IFT27: variants seen among roughly 807,000 people sequenced by gnomAD.
The protein encoded by IFT27 is intraflagellar transport protein 27 homolog.
Under a neutral mutation model 23.9 loss-of-function variants are expected in IFT27, and 19 were observed. That is an observed-to-expected ratio of 0.79 (90% confidence interval 0.55 to 1.16). The LOEUF is 1.16. Ranked by LOEUF, IFT27 falls within the 50% of genes most tolerant of loss-of-function variation. The pLI, the probability that IFT27 is intolerant of heterozygous loss-of-function variation, is 0.00. For synonymous variants in IFT27, 91 were observed against 89.1 expected, an observed-to-expected ratio of 1.02 and a Z score of -0.12; for missense variants, 206 against 228.7, an observed-to-expected ratio of 0.90 and a Z score of 0.64.
chr22:36,759,667 T>C (rs771090294), intron 6 of IFT27: 5 of 152,276 alleles, frequency 3.3e-5, no homozygotes, highest in Non-Finnish European at 7.3e-5. Flanking sequence ...AGACGATCCC[T>C]GGCAGCTGGC....
At chr22:36,762,839 G>A (rs1022582100) in intron 6 of IFT27, 65 bp downstream of exon 6, 3 of 1,040,258 alleles carry the variant, frequency 2.9e-6, no homozygotes, top group Non-Finnish European at 4.2e-6. Flanking sequence ...GTGAGGTCAT[G>A]TGCAAGACCG....
intron 3 of IFT27, chr22:36,767,020 A>T: frequency 3.9e-6 from 1 of 254,688 alleles, no homozygotes; most frequent in East Asian, 8.1e-5. Context: ...AACGTCTTGC[A>T]ATTCACTTTC....
intron 3 of IFT27, chr22:36,766,398 T>A (rs1328067418): frequency 8.7e-6 from 5 of 573,526 alleles, no homozygotes; most frequent in Non-Finnish European, 1.6e-5. Flanking sequence ...AGAGAGGCAG[T>A]ACGACGGGTT....
intron 6 of IFT27, chr22:36,761,196 C>A (rs3827351): frequency 0.7 from 106,428 of 152,072 alleles, 37,638 homozygotes; most frequent in East Asian, 0.87. Flanking sequence ...TTGGTGACTC[C>A]TGTTTTGGAG....
chr22:36,773,654 CAAAAAAAAAAA>C lies in IFT27; in HGVS notation c.34+2009_34+2019del, dbSNP rs35651506. ...AGGCAATGAGAGTGAAACTCCGTCT[CAAAAAAAAAAA>C]AAAAAAAAATAGAAGGACACAGAGG... On this transcript the variant is annotated intron_variant, in intron 1 of 6. Coordinates refer to ENST00000433985, the MANE Select transcript of IFT27 (RefSeq NM_001177701.3). Among the ~76,000 whole-genome samples the C allele has an allele frequency of 1.1e-4, 12 of 110,472 alleles. No individual in the cohort carries two copies. In the South Asian group the frequency reaches 3.9e-3, roughly 36 times the overall value. The allele number at this position is 110,472 out of a possible 152,430, so 72.5% of individuals were successfully genotyped here.
intron 1 of IFT27, chr22:36,772,495 G>T: frequency 1.0e-6 from 1 of 985,298 alleles, no homozygotes; most frequent in Non-Finnish European, 1.2e-6. Context: ...ACAAAATACA[G>T]ATCAATGTCA....
At chr22:36,765,990 C>A in intron 4 of IFT27, 148 bp downstream of exon 4, 1 of 724,090 alleles carries the variant, frequency 1.4e-6, no homozygotes, top group Non-Finnish European at 2.5e-6. Context: ...TCCATGAGTC[C>A]TGGGCTGGGA....
intron 2 of IFT27, 37 bp from the exon 3 acceptor site, chr22:36,767,402 C>T: frequency 6.3e-7 from 1 of 1,584,924 alleles, no homozygotes; most frequent in Non-Finnish European, 8.6e-7. Context: ...CACTGAGGGC[C>T]CCCAAAGGGA....
At chr22:36,772,758 TCCTTCAATGA>T (rs1938414178) in intron 1 of IFT27, 2 of 985,054 alleles carry the variant, frequency 2.0e-6, no homozygotes, top group Admixed American at 1.2e-4. Flanking sequence ...GAACGTCAGG[TCCTTCAATGA>T]CCAGTTATGT....
intron 1 of IFT27, 31 bp from the exon 2 acceptor site, chr22:36,767,893 C>T (rs779629757): frequency 1.4e-5 from 22 of 1,560,474 alleles, no homozygotes; most frequent in Non-Finnish European, 1.8e-5. Context: ...AAAAAGAACG[C>T]CTTAGTTCTC....
chr22:36,768,745 T>C (rs1398715492), intron 1 of IFT27, among the ~76,000 whole-genome samples: 2 of 152,218 alleles, frequency 1.3e-5, no homozygotes, highest in Non-Finnish European at 2.9e-5. Context: ...ATTTTCCCTC[T>C]CATGGCTCTG....
chr22:36,764,002 T>A lies in IFT27; in HGVS notation c.269A>T (p.Asp90Val). 2 of 1,614,148 alleles carry A rather than the reference T, an allele frequency of 1.2e-6. No individual in the cohort carries two copies. The highest frequency in any genetic ancestry group is 8.5e-7 in the Non-Finnish European group (1 of 1,179,976). ...GTTGAAGGATTCTTCATTGGTCACA[T>A]CATAGACGAGACATAAGACATTGGG... Reference protein sequence around the residue: ...ESPNVLCLVYDVTNEESFNNC... With the variant: ...ESPNVLCLVYVVTNEESFNNC... The change falls in exon 5 of 7, where the codon GAT becomes GTT. Residue 90 changes from aspartate to valine, a missense_variant. Asp to Val is a radical substitution (Grantham distance 152). Coordinates refer to ENST00000433985, the MANE Select transcript of IFT27 (RefSeq NM_001177701.3).
chr22:36,768,176 C>T (rs1938303287), intron 1 of IFT27: 18 of 488,312 alleles, frequency 3.7e-5, no homozygotes, highest in South Asian at 1.3e-4. Flanking sequence ...CACTGAAACA[C>T]GCCCTATGGG....
intron 3 of IFT27, 166 bp from the exon 4 acceptor site, chr22:36,766,363 G>C: frequency 6.3e-6 from 4 of 633,482 alleles, no homozygotes; most frequent in Non-Finnish European, 1.1e-5. Flanking sequence ...AAGATGAAGG[G>C]GAAAGGAGCG....
chr22:36,764,655 C>G (rs1938197137), intron 4 of IFT27, among the ~76,000 whole-genome samples: 1 of 152,246 alleles, frequency 6.6e-6, no homozygotes, highest in Non-Finnish European at 1.5e-5. Context: ...ATGCAGAGGG[C>G]ACTTTCTGCT....
At chr22:36,766,256 T>G in intron 3 of IFT27, 59 bp from the exon 4 acceptor site, 1 of 1,407,312 alleles carries the variant, frequency 7.1e-7, no homozygotes. Context: ...TACGAGTCAC[T>G]GGTATCACTC....
rs1461365392 is a variant in IFT27, at chr22:36,763,014, C to T, written c.353-1G>A. ...TCTGTCTTGTTCCCAACTAAAACAC[C>T]TACTCAGAAGAAACAACCAAAATAT... On this transcript the variant is annotated splice_acceptor_variant, in intron 5 of 6. Coordinates refer to ENST00000433985, the MANE Select transcript of IFT27 (RefSeq NM_001177701.3). LOFTEE classifies it high-confidence loss of function. The T allele has an allele frequency of 8.2e-6, 13 of 1,592,798 alleles. No homozygotes were observed. Among genetic ancestry groups the T allele is most frequent in the African/African-American group, 1.3e-5 (1 of 74,360 alleles).
chr22:36,759,453 G>A (rs1015841164), intron 6 of IFT27: 4 of 152,212 alleles, frequency 2.6e-5, no homozygotes, highest in East Asian at 1.9e-4. Context: ...TTATCTAAGC[G>A]GTGGAAAAAA....
intron 1 of IFT27, 122 bp from the exon 2 acceptor site, chr22:36,767,984 T>A: frequency 1.1e-6 from 1 of 920,834 alleles, no homozygotes; most frequent in Non-Finnish European, 1.8e-6. Flanking sequence ...TGTACTTGCC[T>A]CTCACGGGAA....
Sources: allele counts gnomAD v4.1 joint callset (sites outside exome capture counted in the v4.1 genomes callset), GRCh38; gene constraint gnomAD v4.1.1; transcripts MANE v1.5; gene names NCBI Gene and HGNC (gene_info 2026-07-23, HGNC 2026-07-21).